DSCAM: variants seen among roughly 807,000 people sequenced by gnomAD.
DSCAM encodes cell adhesion molecule DSCAM.
DSCAM carries 47 observed loss-of-function variants against 217.7 expected under a neutral mutation model. The ratio of observed to expected loss-of-function variants is 0.22; its 90% CI spans 0.17 to 0.28. The LOEUF (loss-of-function observed/expected upper bound fraction) is 0.28. Ranked by LOEUF, DSCAM falls within the 10% of genes least tolerant of loss-of-function variation. The pLI is 1.00. For synonymous variants in DSCAM, 1,056 were observed against 1,015.3 expected (o/e 1.04, Z -0.76); for missense variants, 2,080 against 2,618.3 (o/e 0.79, Z 4.49).
At chr21:40,511,128 A>T (rs1378810689) in intron 3 of DSCAM, among the ~76,000 whole-genome samples, 1 of 152,200 alleles carries the variant, frequency 6.6e-6, no homozygotes, top group East Asian at 1.9e-4. Flanking sequence ...AATTATATTC[A>T]TTTGTTTAAT....
chr21:40,409,019 A>G (rs1254680595), intron 3 of DSCAM, among the ~76,000 whole-genome samples: 1 of 152,228 alleles, frequency 6.6e-6, no homozygotes, highest in East Asian at 1.9e-4. Flanking sequence ...ATTTATTTGG[A>G]TAACAATTAT....
At chr21:40,692,658 T>A (rs2090550171) in intron 3 of DSCAM, 152 bp downstream of exon 3, 2 of 957,922 alleles carry the variant, frequency 2.1e-6, no homozygotes, top group African/African-American at 3.2e-5. Context: ...TACAAAACAC[T>A]TATTTCAGGT....
At chr21:40,087,408 A>G (rs2089547489) in intron 21 of DSCAM, 121 bp from the exon 22 acceptor site, 1 of 700,808 alleles carries the variant, frequency 1.4e-6, no homozygotes, top group Non-Finnish European at 2.6e-6. Flanking sequence ...TCACATTACA[A>G]CTGTCAACAC....
At chr21:40,494,481 C>G (rs909068128) in intron 3 of DSCAM, among the ~76,000 whole-genome samples, 1 of 151,964 alleles carries the variant, frequency 6.6e-6, no homozygotes, top group East Asian at 1.9e-4. Flanking sequence ...TAAACATGTT[C>G]CTGAATGATC....
At chr21:40,642,120 G>A (rs1250463040) in intron 3 of DSCAM, among the ~76,000 whole-genome samples, 5 of 151,984 alleles carry the variant, frequency 3.3e-5, no homozygotes, top group Non-Finnish European at 7.4e-5. Context: ...GGCTCAGAGA[G>A]GGTAAATATT....
At chr21:40,089,171 C>A (rs1427007026) in intron 21 of DSCAM, among the ~76,000 whole-genome samples, 4 of 152,216 alleles carry the variant, frequency 2.6e-5, no homozygotes, top group African/African-American at 9.7e-5. Flanking sequence ...GCTCAATGCC[C>A]ATTTTGCCCA....
chr21:40,792,137 CTTTTTTTTTT>C (rs67838146), intron 1 of DSCAM, among the ~76,000 whole-genome samples: 1 of 118,606 alleles, frequency 8.4e-6, no homozygotes, highest in African/African-American at 3.7e-5. Context: ...TCTTCTTCTT[CTTTTTTTTTT>C]TTTTTTTTTT....
intron 3 of DSCAM, among the ~76,000 whole-genome samples, chr21:40,687,081 G>A (rs62224167): frequency 0.019 from 2,891 of 152,228 alleles, 44 homozygotes; most frequent in East Asian, 0.059. Flanking sequence ...TGTTTAAAAT[G>A]AGGTTCTTAT....
chr21:40,041,441 T>C (rs1272764616), intron 32 of DSCAM, among the ~76,000 whole-genome samples: 1 of 152,174 alleles, frequency 6.6e-6, no homozygotes, highest in Non-Finnish European at 1.5e-5. Flanking sequence ...GCTGTGAATT[T>C]CCATATAAAA....
At chr21:40,752,441 CT>C (rs2091238478) in intron 1 of DSCAM, among the ~76,000 whole-genome samples, 1 of 152,194 alleles carries the variant, frequency 6.6e-6, no homozygotes, top group Non-Finnish European at 1.5e-5. Context: ...GGAAACTGAC[CT>C]GTGTCTCCAC....
intron 11 of DSCAM, among the ~76,000 whole-genome samples, chr21:40,249,709 C>G (rs1296556006): frequency 6.6e-6 from 1 of 152,140 alleles, no homozygotes; most frequent in Non-Finnish European, 1.5e-5. Flanking sequence ...GAAGTGAGCT[C>G]TCTTTGCAAC....
intron 31 of DSCAM, 106 bp downstream of exon 31, chr21:40,043,968 ATAAG>A (rs761542170): frequency 2.7e-5 from 30 of 1,105,448 alleles, no homozygotes; most frequent in Middle Eastern, 6.0e-4. Context: ...TCAAAAGAAC[ATAAG>A]TAAGAGGGAG....
At chr21:40,652,359 AAAAC>A (rs887360048) in intron 3 of DSCAM, among the ~76,000 whole-genome samples, 13 of 152,090 alleles carry the variant, frequency 8.5e-5, no homozygotes, top group African/African-American at 3.1e-4. Flanking sequence ...AAAAAAAAAA[AAAAC>A]AACTTCTAGC....
intron 1 of DSCAM, among the ~76,000 whole-genome samples, chr21:40,784,772 G>A (rs535248082): frequency 1.3e-5 from 2 of 152,290 alleles, no homozygotes; most frequent in Non-Finnish European, 2.9e-5. Context: ...GACCATCTAC[G>A]AACCAGGAAG....
chr21:40,052,221 A>C (rs2088944780), intron 29 of DSCAM, 114 bp from the exon 30 acceptor site: 1 of 1,157,498 alleles, frequency 8.6e-7, no homozygotes, highest in African/African-American at 1.5e-5. Context: ...CCACAATAAT[A>C]GCCCCATCTA....
chr21:40,609,957 T>C (rs959457341), intron 3 of DSCAM, among the ~76,000 whole-genome samples: 1 of 152,106 alleles, frequency 6.6e-6, no homozygotes, highest in African/African-American at 2.4e-5. Flanking sequence ...AACAAAGAGG[T>C]CACAGTTCAC....
Position 40,345,175 on chromosome 21 carries a change from A to G in DSCAM, c.1210+2495T>C, listed in dbSNP as rs1171624160. On this transcript the variant is annotated intron_variant, in intron 6 of 32. Transcript: ENST00000400454. Reference sequence around the variant, plus strand: ...CATATTTTCCTGTAAGTTATTGAACATATTTTAAATAGCATCTGTAAAGTC... The same window carrying G: ...CATATTTTCCTGTAAGTTATTGAACGTATTTTAAATAGCATCTGTAAAGTC... Among the ~76,000 whole-genome samples, 4 of 152,192 alleles carry G rather than the reference A, an allele frequency of 2.6e-5. No individual in the cohort carries two copies. The East Asian group carries it at 7.7e-4, about 29-fold the overall frequency.
Position 40,013,365 on chromosome 21 carries a change from G to C in DSCAM, c.5708C>G (p.Pro1903Arg), listed in dbSNP as rs781325605. ...TAACAAAAAGTCCATTCTAAGGTAT[G>C]GAGGCAAATGTATGAGGTCACCTAG... ...HRPGDLIHLP[P>R]YLRMDFLLNR... The change falls in exon 33 of 33, where the codon CCA becomes CGA. Residue 1903 changes from proline (P) to arginine (R), a missense_variant. Around this residue, in one of 5 missense-constraint regions of DSCAM, gnomAD observed 145 missense variants for 138.5 expected, o/e 1.05. Transcript: ENST00000400454. 1.3e-6 allele frequency: 2 copies of C among 1,574,266 alleles called. No individual in the cohort carries two copies. The highest frequency in any genetic ancestry group is 2.7e-5 in the African/African-American group (2 of 73,538).
chr21:40,396,504 G>T (rs750318714), intron 3 of DSCAM, among the ~76,000 whole-genome samples: 6 of 152,166 alleles, frequency 3.9e-5, no homozygotes, highest in Non-Finnish European at 7.3e-5. Flanking sequence ...TCAGATGGGG[G>T]GCAACTCACA....
Sources: allele counts gnomAD v4.1 joint callset (sites outside exome capture counted in the v4.1 genomes callset), GRCh38; gene constraint gnomAD v4.1.1; regional missense constraint gnomAD v4.1.1; transcripts MANE v1.5; gene names NCBI Gene and HGNC (gene_info 2026-07-23, HGNC 2026-07-21).